EPS15: variants seen among roughly 807,000 people sequenced by gnomAD.
EPS15 encodes epidermal growth factor receptor substrate 15.
EPS15 carries 72 observed loss-of-function variants against 113.8 expected under a neutral mutation model. That is an observed-to-expected ratio of 0.63 (90% confidence interval 0.52 to 0.77). EPS15 has a LOEUF of 0.77. Ranked by LOEUF, EPS15 falls within the 30% of genes least tolerant of loss-of-function variation. The pLI, the probability that EPS15 is intolerant of heterozygous loss-of-function variation, is 0.00. For missense variants in EPS15, 1,048 were observed against 1,045.8 expected (o/e 1.00, Z -0.03); for synonymous variants, 344 against 363.4 (o/e 0.95, Z 0.61).
chr1:51,386,787 CG>C (rs769993552), intron 21 of EPS15, among the ~76,000 whole-genome samples: 42 of 152,034 alleles, frequency 2.8e-4, no homozygotes, highest in South Asian at 1.7e-3. Flanking sequence ...TAAAAAGAAA[CG>C]AACAAAGCCT....
In EPS15 at chr1:51,408,294, C is replaced by T. The variant is rs145467749; in HGVS notation, c.1314G>A (p.Ser438=). The T allele has an allele frequency of 1.9e-5, 31 of 1,613,122 alleles. No individual in the cohort carries two copies. Among genetic ancestry groups the T allele is most frequent in the Admixed American group, 1.7e-5 (1 of 59,968 alleles). Residue 438 remains serine, a synonymous_variant, in exon 15 of 25, where the codon TCG becomes TCA. Coordinates refer to ENST00000371733, the MANE Select transcript of EPS15 (RefSeq NM_001981.3). The part of the protein sequence containing the change: ...SLKAELTSQE[S]QISTYEEELA... ...ATTCTTCTTCGTAAGTGGAGATCTG[C>T]GATTCCTGACTAGTTAATTCAGCTT...
intron 24 of EPS15, among the ~76,000 whole-genome samples, chr1:51,357,428 T>TATATATATATATATATA (rs1557761744): frequency 1.5e-5 from 1 of 65,674 alleles, no homozygotes; most frequent in Non-Finnish European, 2.9e-5. Flanking sequence ...ATATATATAT[T>TATATATATATATATATA]TTTTTTTTTT....
chr1:51,497,333 C>G (rs1644341397), intron 1 of EPS15, among the ~76,000 whole-genome samples: 1 of 152,108 alleles, frequency 6.6e-6, no homozygotes, highest in African/African-American at 2.4e-5. Context: ...CAGGGTTATA[C>G]TAAAATTGAG....
chr1:51,359,656 G>GC (rs1244354336), intron 24 of EPS15, among the ~76,000 whole-genome samples: 1 of 151,622 alleles, frequency 6.6e-6, no homozygotes, highest in Non-Finnish European at 1.5e-5. Flanking sequence ...TACTCGGGAG[G>GC]CTGAGGCAGG....
At chr1:51,364,465 C>T (rs1646461438) in intron 22 of EPS15, among the ~76,000 whole-genome samples, 1 of 151,572 alleles carries the variant, frequency 6.6e-6, no homozygotes, top group Non-Finnish European at 1.5e-5. Context: ...AGGAAAATGG[C>T]ATCTTGACAA....
intron 12 of EPS15, among the ~76,000 whole-genome samples, chr1:51,426,765 G>T (rs1246613762): frequency 2.6e-5 from 4 of 151,380 alleles, no homozygotes; most frequent in African/African-American, 9.7e-5. Flanking sequence ...CTGTCCTAGA[G>T]ATGTCGGACT....
At chr1:51,462,870 A>ATTTTTTT (rs34320767) in intron 7 of EPS15, among the ~76,000 whole-genome samples, 52 of 111,070 alleles carry the variant, frequency 4.7e-4, no homozygotes, top group Non-Finnish European at 6.6e-4. Flanking sequence ...AAAAAGTCAG[A>ATTTTTTT]TTTTTTTTTT....
chr1:51,383,688 G>A (rs1352400199), intron 21 of EPS15, among the ~76,000 whole-genome samples: 2 of 152,160 alleles, frequency 1.3e-5, no homozygotes, highest in Non-Finnish European at 2.9e-5. Flanking sequence ...GACTGGTACT[G>A]GTCCGTGGCC....
intron 21 of EPS15, among the ~76,000 whole-genome samples, chr1:51,384,623 C>T (rs1647021339): frequency 1.3e-5 from 2 of 151,922 alleles, no homozygotes; most frequent in African/African-American, 4.8e-5. Flanking sequence ...CATGCATGAG[C>T]CACTGTGCCC....
intron 1 of EPS15, 149 bp from the exon 2 acceptor site, chr1:51,481,463 A>G (rs978959689): frequency 3.7e-5 from 22 of 587,288 alleles, no homozygotes; most frequent in Non-Finnish European, 1.2e-5. Context: ...CTTCTTGGGG[A>G]GCGTGAGACA....
chr1:51,497,554 G>A (rs946761471), intron 1 of EPS15, among the ~76,000 whole-genome samples: 1 of 152,154 alleles, frequency 6.6e-6, no homozygotes, highest in Non-Finnish European at 1.5e-5. Flanking sequence ...AGCCAAGCAA[G>A]GCAGCTTGAA....
At chr1:51,445,142 T>C (rs1392003141) in intron 10 of EPS15, 97 bp from the exon 11 acceptor site, 1 of 1,169,170 alleles carries the variant, frequency 8.6e-7, no homozygotes, top group African/African-American at 1.6e-5. Flanking sequence ...AATAATGAGG[T>C]GAATTTAAAA....
At chr1:51,452,960 T>C (rs1653694994) in intron 8 of EPS15, among the ~76,000 whole-genome samples, 1 of 152,220 alleles carries the variant, frequency 6.6e-6, no homozygotes. Context: ...ATGATGCTGA[T>C]GCTGTTTGTC....
intron 19 of EPS15, 34 bp from the exon 20 acceptor site, chr1:51,399,199 A>G (rs1414670546): frequency 7.5e-6 from 12 of 1,600,374 alleles, no homozygotes; most frequent in Middle Eastern, 1.7e-4. Context: ...AAGAGACAAA[A>G]AAAAATTATT....
chr1:51,375,282 T>C (rs1476977194), intron 21 of EPS15, among the ~76,000 whole-genome samples: 1 of 152,198 alleles, frequency 6.6e-6, no homozygotes, highest in African/African-American at 2.4e-5. Context: ...ATTACAGGCG[T>C]GAGCCACCGC....
intron 1 of EPS15, among the ~76,000 whole-genome samples, chr1:51,493,104 G>C (rs191073945): frequency 6.6e-6 from 1 of 152,354 alleles, no homozygotes; most frequent in Non-Finnish European, 1.5e-5. Context: ...GCTCACGCCT[G>C]TAATCCCAGC....
At chr1:51,396,714 G>A (rs1225484192) in intron 20 of EPS15, among the ~76,000 whole-genome samples, 1 of 152,106 alleles carries the variant, frequency 6.6e-6, no homozygotes, top group Non-Finnish European at 1.5e-5. Context: ...GATAGATTGT[G>A]CAGCCCATGA....
intron 19 of EPS15, 98 bp from the exon 20 acceptor site, chr1:51,399,263 G>A: frequency 8.5e-7 from 1 of 1,171,888 alleles, no homozygotes; most frequent in East Asian, 2.4e-5. Context: ...TTAAAAGACA[G>A]TCTGGGGCCA....
In EPS15 at chr1:51,446,854, C is replaced by T. The variant is rs12097940; in HGVS notation, c.797+106G>A. 609 of 938,692 alleles carry T rather than the reference C, an allele frequency of 6.5e-4. 4 individuals are homozygous for T. The African/African-American group carries it at 9.2e-3, about 14-fold the overall frequency. The allele number at this position is 938,692 out of a possible 1,614,324, so 58.1% of individuals were successfully genotyped here. ...ATTCTGATTTTCTCTATAAAAAATT[C>T]TGAAACAAAAACTGTCCTATTTACA... On this transcript the variant is annotated intron_variant, in intron 10 of 24. Transcript: ENST00000371733.
Sources: allele counts gnomAD v4.1 joint callset (sites outside exome capture counted in the v4.1 genomes callset), GRCh38; gene constraint gnomAD v4.1.1; transcripts MANE v1.5; gene names NCBI Gene and HGNC (gene_info 2026-07-23, HGNC 2026-07-21).